The following TEX11 variants were observed in gnomAD, a reference collection of about 807,000 sequenced individuals.
The protein encoded by TEX11 is testis expressed 11.
In TEX11, 7 loss-of-function variants were observed where a neutral mutation model predicts 84.4. That is an observed-to-expected ratio of 0.08 (90% CI 0.05 to 0.16). The LOEUF (loss-of-function observed/expected upper bound fraction) is 0.16. Ranked by LOEUF, TEX11 falls within the 10% of genes least tolerant of loss-of-function variation. The pLI, the probability that TEX11 is intolerant of heterozygous loss-of-function variation, is 1.00. For missense variants in TEX11, 551 were observed against 660.5 expected (o/e 0.83, Z 1.82); for synonymous variants, 264 against 222.8 (o/e 1.18, Z -1.64).
chrX:70,788,959 TATATATATATATATAGAGAGAGAG>T (rs1399290853), intron 9 of TEX11, among the ~76,000 whole-genome samples: 12 of 44,063 alleles, frequency 2.7e-4, no homozygotes, highest in Non-Finnish European at 3.1e-4. Flanking sequence ...TATATATATA[TATATATATATATATAGAGAGAGAG>T]AGAGAGAGAG....
At chrX:70,515,129 A>T in the TEX11 span, among the ~76,000 whole-genome samples, 68 of 111,306 alleles carry the variant, frequency 6.1e-4, no homozygotes, top group South Asian at 2.7e-3. Flanking sequence ...TCTTTTTTTT[A>T]AAATTATACT....
chrX:70,588,683 A>T (rs2088885972), intron 25 of TEX11, among the ~76,000 whole-genome samples: 2 of 112,204 alleles, frequency 1.8e-5, no homozygotes, highest in South Asian at 7.3e-4. Context: ...GGGAATTTTG[A>T]CACATGCTAT....
intron 18 of TEX11, among the ~76,000 whole-genome samples, chrX:70,628,647 C>G (rs184139322): frequency 8.9e-6 from 1 of 112,125 alleles, no homozygotes; most frequent in African/African-American, 3.2e-5. Flanking sequence ...TAGCATCTAG[C>G]CCAATATCTT....
At chrX:70,569,889 TTC>T (rs1251748812) in intron 25 of TEX11, among the ~76,000 whole-genome samples, 2 of 111,876 alleles carry the variant, frequency 1.8e-5, no homozygotes, top group African/African-American at 6.5e-5. Flanking sequence ...AGTCTGCTGA[TTC>T]TCAGATCTCC....
intron 28 of TEX11, among the ~76,000 whole-genome samples, chrX:70,540,232 C>T (rs762915209): frequency 4.5e-5 from 5 of 112,185 alleles, no homozygotes; most frequent in Non-Finnish European, 9.4e-5. Flanking sequence ...AGAAATGTTA[C>T]GATACCTGAC....
At chrX:70,812,258 A>T (rs1460424358) in intron 8 of TEX11, among the ~76,000 whole-genome samples, 1 of 107,306 alleles carries the variant, frequency 9.3e-6, no homozygotes, top group Non-Finnish European at 1.9e-5. Context: ...AGGCTAGATT[A>T]CAGTGGCGCA....
intron 9 of TEX11, among the ~76,000 whole-genome samples, chrX:70,796,703 A>G: frequency 8.9e-6 from 1 of 112,444 alleles, no homozygotes; most frequent in Non-Finnish European, 1.9e-5. Flanking sequence ...AATACTTGCA[A>G]GCTATGCATC....
At chrX:70,834,262 G>A (rs1429965194) in intron 7 of TEX11, among the ~76,000 whole-genome samples, 1 of 110,944 alleles carries the variant, frequency 9.0e-6, no homozygotes, top group Non-Finnish European at 1.9e-5. Flanking sequence ...CAAAAGAGCC[G>A]CTCTGCCATT....
At chrX:70,882,041 AAAAG>A (rs1337201802) in intron 2 of TEX11, among the ~76,000 whole-genome samples, 18 of 106,584 alleles carry the variant, frequency 1.7e-4, no homozygotes, top group African/African-American at 5.4e-4. Flanking sequence ...AAAAAAAAAA[AAAAG>A]AAAAAGAAAA....
chrX:70,644,429 C>A (rs1389544036), intron 17 of TEX11, among the ~76,000 whole-genome samples: 2 of 104,672 alleles, frequency 1.9e-5, no homozygotes, highest in Non-Finnish European at 3.9e-5. Flanking sequence ...TGGGTATATA[C>A]CCAAAGGACT....
chrX:70,855,842 C>T (rs1470883063), intron 5 of TEX11, among the ~76,000 whole-genome samples: 1 of 111,513 alleles, frequency 9.0e-6, no homozygotes, highest in Non-Finnish European at 1.9e-5. Flanking sequence ...AGAAGGCGAA[C>T]ATCTGCAAGC....
At chrX:70,744,650 A>G (rs2090757036) in intron 9 of TEX11, among the ~76,000 whole-genome samples, 1 of 110,240 alleles carries the variant, frequency 9.1e-6, no homozygotes, top group Admixed American at 9.9e-5. Flanking sequence ...ACAAGTGTAT[A>G]CAAGCTCTTA....
intron 16 of TEX11, among the ~76,000 whole-genome samples, chrX:70,652,096 C>T (rs1226267443): frequency 9.0e-6 from 1 of 111,050 alleles, no homozygotes; most frequent in Non-Finnish European, 1.9e-5. Context: ...ATAAAGTTAC[C>T]TTAGTACTGA....
At chrX:70,651,331 A>G (rs1192289142) in intron 17 of TEX11, 119 bp downstream of exon 17, 10 of 438,390 alleles carry the variant, frequency 2.3e-5, no homozygotes, top group Non-Finnish European at 3.8e-5. Flanking sequence ...CATAGGAAAG[A>G]CAGAACATAT....
At chrX:70,668,519 C>T (rs1055006955) in intron 16 of TEX11, among the ~76,000 whole-genome samples, 1 of 112,157 alleles carries the variant, frequency 8.9e-6, no homozygotes, top group African/African-American at 3.2e-5. Context: ...CTAACAGTAA[C>T]CAACAAAGTT....
At chrX:70,870,079 C>T (rs1189301041) in intron 4 of TEX11, among the ~76,000 whole-genome samples, 1 of 111,953 alleles carries the variant, frequency 8.9e-6, no homozygotes, top group Non-Finnish European at 1.9e-5. Context: ...ATCCGCTTTA[C>T]TCTGCTCTAC....
chrX:70,559,320 A>C (rs1189654136), intron 25 of TEX11, among the ~76,000 whole-genome samples: 1 of 112,523 alleles, frequency 8.9e-6, no homozygotes, highest in Non-Finnish European at 1.9e-5. Flanking sequence ...ACAAAAGTCC[A>C]TGTATTATAT....
chrX:70,859,194 A>G (rs2091554787), intron 5 of TEX11, among the ~76,000 whole-genome samples: 1 of 110,497 alleles, frequency 9.1e-6, no homozygotes, highest in Non-Finnish European at 1.9e-5. Flanking sequence ...TTTTTTATAT[A>G]TGTTTGAGCT....
intron 13 of TEX11, among the ~76,000 whole-genome samples, chrX:70,714,752 C>T (rs2090479849): frequency 9.0e-6 from 1 of 111,432 alleles, no homozygotes; most frequent in Non-Finnish European, 1.9e-5. Flanking sequence ...ATCCAATTTG[C>T]CAGTCTGTGT....
Sources: allele counts gnomAD v4.1 joint callset (sites outside exome capture counted in the v4.1 genomes callset), GRCh38; gene constraint gnomAD v4.1.1; transcripts MANE v1.5; gene names NCBI Gene and HGNC (gene_info 2026-07-23, HGNC 2026-07-21).